HPS4: variants seen among roughly 807,000 people sequenced by gnomAD.
HPS4 encodes the protein HPS4 biogenesis of lysosomal organelles complex 3 subunit 2, also known as BLOC-3 complex member HPS4.
Under a neutral mutation model 70.3 loss-of-function variants are expected in HPS4, and 44 were observed. The observed-to-expected ratio is 0.63, with a 90% CI of 0.49 to 0.80. The LOEUF is 0.80. Ranked by LOEUF, HPS4 falls within the 30% of genes least tolerant of loss-of-function variation. The pLI, the probability that HPS4 is intolerant of heterozygous loss-of-function variation, is 0.00. For missense variants in HPS4, 873 were observed against 884.4 expected, an observed-to-expected ratio of 0.99 and a Z score of 0.16; for synonymous variants, 377 against 355.9, an observed-to-expected ratio of 1.06 and a Z score of -0.67.
At chr22:26,448,256 G>T (rs1411454165), downstream of HPS4, among the ~76,000 whole-genome samples, 1 of 152,238 alleles carries the variant, frequency 6.6e-6, no homozygotes, top group Non-Finnish European at 1.5e-5. Flanking sequence ...GAGGGCCCAT[G>T]ATAGGCCAAG....
chr22:26,476,373 C>T (rs2090545548), intron 4 of HPS4: 1 of 149,356 alleles, frequency 6.7e-6, no homozygotes, highest in Admixed American at 6.7e-5. Context: ...TTTTTTAAGA[C>T]AGGGTGTCAC....
At chr22:26,479,958 C>A (rs1453689860) in intron 2 of HPS4, among the ~76,000 whole-genome samples, 1 of 152,220 alleles carries the variant, frequency 6.6e-6, no homozygotes, top group Non-Finnish European at 1.5e-5. Flanking sequence ...CTCTACCATG[C>A]CAAACCTCAC....
downstream of HPS4, among the ~76,000 whole-genome samples, chr22:26,450,768 A>G (rs1219262477): frequency 6.6e-6 from 1 of 152,062 alleles, no homozygotes; most frequent in African/African-American, 2.4e-5. Flanking sequence ...TTCACTCTGC[A>G]CTTCTCTTTG....
chr22:26,477,764 T>A (rs2090753909), intron 3 of HPS4, among the ~76,000 whole-genome samples: 1 of 152,084 alleles, frequency 6.6e-6, no homozygotes, highest in South Asian at 2.1e-4. Flanking sequence ...ATACAGTGGA[T>A]AGGAGACATT....
chr22:26,445,987 T>A (rs5761528), downstream of HPS4, among the ~76,000 whole-genome samples: 148,040 of 152,292 alleles, frequency 0.97, 71,991 homozygotes, highest in East Asian at 1. Context: ...TCCAGCCAGC[T>A]GTCCGGGCTG....
chr22:26,466,563 T>C (rs1036166287), intron 8 of HPS4: 9 of 522,882 alleles, frequency 1.7e-5, no homozygotes, highest in Admixed American at 3.2e-5. Flanking sequence ...GGGAATAAAA[T>C]TGAGGATTCC....
intron 8 of HPS4, chr22:26,467,417 G>C (rs926001445): frequency 2.6e-5 from 4 of 152,182 alleles, no homozygotes; most frequent in Admixed American, 6.5e-5. Flanking sequence ...AAGCATTCAA[G>C]TTTTGTCTGA....
intron 10 of HPS4, 58 bp downstream of exon 10, chr22:26,465,397 T>A: frequency 8.0e-7 from 1 of 1,249,504 alleles, no homozygotes; most frequent in Non-Finnish European, 1.2e-6. Flanking sequence ...TTTTAACCAA[T>A]CACGCGATGG....
At chr22:26,460,466 C>T (rs1460662618) in intron 11 of HPS4, among the ~76,000 whole-genome samples, 1 of 152,234 alleles carries the variant, frequency 6.6e-6, no homozygotes, top group East Asian at 1.9e-4. Flanking sequence ...GTTTTTGGAC[C>T]TCAAGAACGT....
chr22:26,443,124 T>C (rs1568986098), downstream of HPS4: 1 of 1,613,980 alleles, frequency 6.2e-7, no homozygotes, highest in Non-Finnish European at 8.5e-7. Context: ...CCACGGGTGG[T>C]TTTCATGGTG....
intron 3 of HPS4, among the ~76,000 whole-genome samples, chr22:26,478,399 C>T (rs910549354): frequency 1.3e-5 from 2 of 151,526 alleles, no homozygotes; most frequent in Non-Finnish European, 2.9e-5. Flanking sequence ...GGTAAAACCC[C>T]GTCCCTACTA....
downstream of HPS4, among the ~76,000 whole-genome samples, chr22:26,450,041 C>G (rs1240013839): frequency 1.3e-5 from 2 of 152,200 alleles, no homozygotes; most frequent in Admixed American, 6.5e-5. Flanking sequence ...ACGTGGCCTT[C>G]TCCACGTGAG....
At chr22:26,447,611 T>A (rs1483613774), downstream of HPS4, among the ~76,000 whole-genome samples, 3 of 152,146 alleles carry the variant, frequency 2.0e-5, no homozygotes, top group Non-Finnish European at 4.4e-5. Flanking sequence ...TTGAGGACCG[T>A]CATGCCTGCT....
Position 26,473,014 on chromosome 22 carries a change from G to A in HPS4, c.277-75C>T, listed in dbSNP as rs546871805. 1.1e-4 allele frequency: 144 copies of A among 1,292,096 alleles called. No individual in the cohort carries two copies. In the Middle Eastern group the frequency reaches 1.3e-3, roughly 12 times the overall value. The allele number at this position is 1,292,096 out of a possible 1,614,324, so 80.0% of individuals were successfully genotyped here. On this transcript the variant is annotated intron_variant, in intron 4 of 13. Transcript: ENST00000398145. ...CAAGCCCAGAATCCTGGCATCCAGG[G>A]CTCTCAATTACCTGACTTCACTGGC... is the stretch of plus-strand genomic sequence containing the variant.
rs764657323 is a variant in HPS4 at position 26,464,837 on chromosome 22, A to G, written c.804-11T>C. The G allele has an allele frequency of 1.4e-5, 22 of 1,587,264 alleles. No homozygotes were observed. Among genetic ancestry groups the G allele is most frequent in the Non-Finnish European group, 1.8e-5 (21 of 1,170,264 alleles). On this transcript the variant is annotated splice_polypyrimidine_tract_variant and intron_variant, in intron 10 of 13. Coordinates refer to ENST00000398145, the MANE Select transcript of HPS4 (RefSeq NM_022081.6). ...GGAGATGCTAGAGACCTGGCAAACAAGAGAGATGTAAGGAAGGGGCACGTT... is the reference window on the plus strand; with the variant it reads ...GGAGATGCTAGAGACCTGGCAAACAGGAGAGATGTAAGGAAGGGGCACGTT...
At chr22:26,458,057 A>G (rs1569028719) in intron 12 of HPS4, 90 bp from the exon 13 acceptor site, 3 of 1,104,712 alleles carry the variant, frequency 2.7e-6, no homozygotes, top group Non-Finnish European at 4.0e-6. Context: ...ACGGGGACTG[A>G]GCACGGCTCA....
intron 12 of HPS4, 148 bp downstream of exon 12, chr22:26,458,297 T>G (rs982540125): frequency 1.9e-5 from 18 of 968,632 alleles, no homozygotes; most frequent in Non-Finnish European, 2.8e-5. Flanking sequence ...TCAGTGGGAC[T>G]GGGCTCCCGG....
At chr22:26,471,886 C>T (rs2089866755) in intron 6 of HPS4, among the ~76,000 whole-genome samples, 1 of 152,198 alleles carries the variant, frequency 6.6e-6, no homozygotes, top group African/African-American at 2.4e-5. Context: ...CAGTTCCCAA[C>T]CATTCTCTCT....
intron 12 of HPS4, among the ~76,000 whole-genome samples, 153 bp from the exon 13 acceptor site, chr22:26,458,120 T>C (rs2086512883): frequency 6.6e-6 from 1 of 152,234 alleles, no homozygotes; most frequent in Admixed American, 6.5e-5. Flanking sequence ...GCATTGGGCT[T>C]CGGCTGCCGC....
Sources: gnomAD v4.1 joint callset for allele counts (sites outside exome capture counted in the v4.1 genomes callset) on GRCh38, gnomAD v4.1.1 for gene constraint, MANE v1.5 for transcripts, NCBI Gene and HGNC (gene_info 2026-07-23, HGNC 2026-07-21) for gene names.